Variants in ABCA12 observed in about 807,000 individuals in gnomAD.
ABCA12 encodes ATP binding cassette subfamily A member 12.
Under a neutral mutation model 293.5 loss-of-function variants are expected in ABCA12, and 156 were observed. The observed-to-expected ratio is 0.53, with a 90% confidence interval of 0.47 to 0.61. The LOEUF is 0.61. ABCA12 is among the 20% of genes least tolerant of loss of function. The pLI is 0.00. For missense variants in ABCA12, 2,797 were observed against 3,090.2 expected (o/e 0.91, Z 2.25); for synonymous variants, 1,063 against 1,108.0 (o/e 0.96, Z 0.81).
In ABCA12 at chr2:214,995,073, AT is replaced by A. The variant is rs1480503512; in HGVS notation, c.3294+2621del. Among the ~76,000 whole-genome samples, 10 of 152,210 alleles carry A rather than the reference AT, an allele frequency of 6.6e-5. No individual in the cohort carries two copies. In the East Asian group the frequency reaches 7.7e-4, roughly 12 times the overall value. On this transcript the variant is annotated intron_variant, in intron 23 of 52. Coordinates refer to ENST00000272895, the MANE Select transcript of ABCA12 (RefSeq NM_173076.3). ...GCAGAACAAAACCCAATCGAAAGGC[AT>A]TTTTTAAGTACTTTTTTTATACTAT...
At chr2:215,095,217 A>G (rs1702226338) in intron 2 of ABCA12, among the ~76,000 whole-genome samples, 1 of 152,192 alleles carries the variant, frequency 6.6e-6, no homozygotes, top group South Asian at 2.1e-4. Context: ...GGCCTAGTAT[A>G]TAACAACATA....
chr2:215,099,640 C>T (rs1018259761), intron 2 of ABCA12, among the ~76,000 whole-genome samples: 1 of 150,822 alleles, frequency 6.6e-6, no homozygotes, highest in Non-Finnish European at 1.5e-5. Context: ...TTGTAGTGAG[C>T]CCACATCACG....
intron 2 of ABCA12, among the ~76,000 whole-genome samples, chr2:215,105,885 C>A (rs1473763244): frequency 6.6e-6 from 1 of 152,032 alleles, no homozygotes; most frequent in East Asian, 1.9e-4. Flanking sequence ...CAATCCACAG[C>A]AAAAGACAAA....
chr2:215,001,477 T>A, intron 21 of ABCA12, 81 bp downstream of exon 21: 9 of 1,581,142 alleles, frequency 5.7e-6, no homozygotes, highest in Non-Finnish European at 7.8e-6. Context: ...GTTTTCTGAG[T>A]TCTGGATGAA....
intron 2 of ABCA12, among the ~76,000 whole-genome samples, chr2:215,106,209 CTCT>C (rs1257042620): frequency 6.6e-6 from 1 of 152,302 alleles, no homozygotes; most frequent in East Asian, 1.9e-4. Context: ...TGTACAATAG[CTCT>C]TCTTAACAAT....
intron 6 of ABCA12, among the ~76,000 whole-genome samples, chr2:215,048,231 G>C (rs929177578): frequency 6.6e-6 from 1 of 152,142 alleles, no homozygotes; most frequent in African/African-American, 2.4e-5. Context: ...GTATAAATTA[G>C]TTTAAACATT....
At chr2:215,084,060 C>A (rs1325544306) in intron 2 of ABCA12, among the ~76,000 whole-genome samples, 2 of 152,034 alleles carry the variant, frequency 1.3e-5, no homozygotes, top group African/African-American at 4.8e-5. Context: ...TCACTGCAGC[C>A]CCGACCTCCT....
intron 2 of ABCA12, among the ~76,000 whole-genome samples, chr2:215,102,651 C>T (rs1185029398): frequency 6.6e-6 from 1 of 152,180 alleles, no homozygotes; most frequent in Non-Finnish European, 1.5e-5. Flanking sequence ...ACAGCCTTAT[C>T]TTTCAGTACT....
intron 39 of ABCA12, chr2:214,961,954 A>T (rs1245940698): frequency 5.3e-5 from 8 of 152,204 alleles, no homozygotes; most frequent in Non-Finnish European, 1.2e-4. Context: ...GATGCCCAAC[A>T]GTAGGAAGAT....
At chr2:215,015,401 T>C in intron 15 of ABCA12, 89 bp downstream of exon 15, 1 of 1,260,678 alleles carries the variant, frequency 7.9e-7, no homozygotes, top group Non-Finnish European at 1.1e-6. Flanking sequence ...ATGGATCTCA[T>C]CCCTCATAGT....
chr2:215,066,486 G>T (rs1324070545), intron 2 of ABCA12, among the ~76,000 whole-genome samples: 2 of 152,096 alleles, frequency 1.3e-5, no homozygotes, highest in African/African-American at 4.8e-5. Flanking sequence ...AGAGCTTTCG[G>T]TGACATCCAA....
At chr2:215,003,548 C>A (rs1482624879) in intron 20 of ABCA12, among the ~76,000 whole-genome samples, 2 of 152,024 alleles carry the variant, frequency 1.3e-5, no homozygotes, top group Non-Finnish European at 1.5e-5. Flanking sequence ...ATTTCATTTT[C>A]CCTTGTCCTT....
At chr2:215,043,478 A>G (rs1701142029) in intron 7 of ABCA12, among the ~76,000 whole-genome samples, 1 of 152,168 alleles carries the variant, frequency 6.6e-6, no homozygotes, top group Non-Finnish European at 1.5e-5. Flanking sequence ...TAGCCACAGC[A>G]CAATGTTTTT....
chr2:215,134,517 T>TATATATACGCATATATGTACATATATGC lies in ABCA12; in HGVS notation c.69+3622_69+3623insGCATATATGTACATATATGCGTATATAT, dbSNP rs1182077617. ...ATGCACATATATGCGTATGTATATG[T>TATATATACGCATATATGTACATATATGC]GTATATATACGTATATATGTACATA... On this transcript the variant is annotated intron_variant, in intron 1 of 52. Coordinates refer to ENST00000272895, the MANE Select transcript of ABCA12 (RefSeq NM_173076.3). 4.0e-4 allele frequency among the ~76,000 whole-genome samples: 42 copies of TATATATACGCATATATGTACATATATGC among 104,546 alleles called. 2 individuals carry two copies. Among genetic ancestry groups the TATATATACGCATATATGTACATATATGC allele is most frequent in the African/African-American group, 1.6e-3 (37 of 23,402 alleles). The allele number at this position is 104,546 out of a possible 152,430, so 68.6% of individuals were successfully genotyped here.
intron 19 of ABCA12, among the ~76,000 whole-genome samples, chr2:215,006,390 A>G (rs1032038970): frequency 3.3e-5 from 5 of 152,204 alleles, no homozygotes; most frequent in African/African-American, 9.6e-5. Flanking sequence ...AATTAGAACC[A>G]AAAATTAATA....
chr2:215,130,809 G>C (rs2105917007), intron 1 of ABCA12, among the ~76,000 whole-genome samples: 1 of 152,144 alleles, frequency 6.6e-6, no homozygotes, highest in Middle Eastern at 3.4e-3. Context: ...GAACATCCTT[G>C]TCTTGTTCCA....
Position 214,973,936 on chromosome 2 carries a change from A to T in ABCA12, c.5562+13T>A, listed in dbSNP as rs749229475. Reference sequence around the variant, plus strand: ...TATTTTTCCCATTTCACTGAAACTGAATTCCATCTTACCTGGACATTTTCT... The same window carrying T: ...TATTTTTCCCATTTCACTGAAACTGTATTCCATCTTACCTGGACATTTTCT... On this transcript the variant is annotated intron_variant, in intron 36 of 52. Transcript: ENST00000272895. 8 of 1,608,646 alleles carry T rather than the reference A, an allele frequency of 5.0e-6. No homozygotes were observed. The Admixed American group carries it at 1.2e-4, about 23-fold the overall frequency.
intron 17 of ABCA12, among the ~76,000 whole-genome samples, chr2:215,010,724 C>T (rs922559853): frequency 5.3e-5 from 8 of 151,940 alleles, no homozygotes; most frequent in South Asian, 2.1e-4. Flanking sequence ...AAATAGAAAA[C>T]GTGAAAGCCA....
chr2:214,955,745 A>G (rs956124016), intron 42 of ABCA12, among the ~76,000 whole-genome samples: 7 of 152,200 alleles, frequency 4.6e-5, no homozygotes, highest in Admixed American at 3.9e-4. Flanking sequence ...ACCATTAGGG[A>G]TGAGTTGTCA....
Sources: allele counts gnomAD v4.1 joint callset (sites outside exome capture counted in the v4.1 genomes callset), GRCh38; gene constraint gnomAD v4.1.1; transcripts MANE v1.5; gene names NCBI Gene and HGNC (gene_info 2026-07-23, HGNC 2026-07-21).